LAMA2: variants seen among roughly 807,000 people sequenced by gnomAD.
LAMA2 encodes laminin subunit alpha-2.
LAMA2 carries 269 observed loss-of-function variants against 364.8 expected under a neutral mutation model. The ratio of observed to expected loss-of-function variants is 0.74; its 90% CI spans 0.67 to 0.82. LAMA2 has a LOEUF of 0.82. Among genes scored for constraint, LAMA2 ranks in the 40% least tolerant of loss-of-function variants. LAMA2 has a pLI of 0.00. For synonymous variants in LAMA2, 1,379 were observed against 1,370.6 expected (o/e 1.01, Z -0.14); for missense variants, 3,807 against 3,873.2 (o/e 0.98, Z 0.45).
At chr6:129,499,332 T>C (rs1345342859) in intron 58 of LAMA2, among the ~76,000 whole-genome samples, 1 of 152,136 alleles carries the variant, frequency 6.6e-6, no homozygotes, top group Non-Finnish European at 1.5e-5. Flanking sequence ...ACAACACAGG[T>C]AAAGCATCAC....
chr6:129,461,942 G>A (rs1400853604), intron 49 of LAMA2, among the ~76,000 whole-genome samples: 1 of 151,904 alleles, frequency 6.6e-6, no homozygotes, highest in African/African-American at 2.4e-5. Context: ...CTTTAAAAAG[G>A]CACATTTGGA....
chr6:129,366,653 T>C (rs1298225719), intron 33 of LAMA2, among the ~76,000 whole-genome samples: 1 of 152,234 alleles, frequency 6.6e-6, no homozygotes, highest in Non-Finnish European at 1.5e-5. Flanking sequence ...CTCTTTATAC[T>C]TATAGCTCTA....
Position 129,487,859 on chromosome 6 carries a change from A to G in LAMA2, c.7898+1237A>G, listed in dbSNP as rs184863188. Among the ~76,000 whole-genome samples, 37 of 152,320 alleles carry G rather than the reference A, an allele frequency of 2.4e-4. No individual in the cohort carries two copies. In the East Asian group the frequency reaches 6.7e-3, roughly 28 times the overall value. On this transcript the variant is annotated intron_variant, in intron 56 of 64. Coordinates refer to ENST00000421865, the MANE Select transcript of LAMA2 (RefSeq NM_000426.4). ...GAACTTTTACTAATCTAACAGCCAG[A>G]TATTGTAGTCATGGTCTCTGAGGAG...
At chr6:128,997,119 G>A (rs944459970) in intron 1 of LAMA2, among the ~76,000 whole-genome samples, 3 of 151,850 alleles carry the variant, frequency 2.0e-5, no homozygotes, top group Non-Finnish European at 4.4e-5. Context: ...ATCACACACT[G>A]GGGCCTGTTG....
At chr6:129,502,290 G>C (rs1562627534) in intron 58 of LAMA2, among the ~76,000 whole-genome samples, 1 of 152,214 alleles carries the variant, frequency 6.6e-6, no homozygotes. Flanking sequence ...CAAGTGGCTA[G>C]CTTGTCATTT....
At chr6:129,362,771 G>A (rs1005246788) in intron 32 of LAMA2, among the ~76,000 whole-genome samples, 2 of 152,074 alleles carry the variant, frequency 1.3e-5, no homozygotes, top group Non-Finnish European at 1.5e-5. Context: ...GGGGTGGTGG[G>A]GAGTTTCAGG....
intron 40 of LAMA2, among the ~76,000 whole-genome samples, chr6:129,404,442 T>A (rs1011059507): frequency 3.9e-5 from 6 of 152,234 alleles, no homozygotes; most frequent in African/African-American, 1.4e-4. Context: ...TTATGAATTT[T>A]TGAATTAAAA....
intron 40 of LAMA2, among the ~76,000 whole-genome samples, chr6:129,415,110 G>T (rs1368267336): frequency 1.3e-5 from 2 of 152,124 alleles, no homozygotes; most frequent in Non-Finnish European, 2.9e-5. Context: ...TTAAGATGAA[G>T]CTATTTATGT....
intron 1 of LAMA2, among the ~76,000 whole-genome samples, chr6:128,903,960 G>T (rs1423917413): frequency 6.6e-6 from 1 of 152,174 alleles, no homozygotes; most frequent in African/African-American, 2.4e-5. Context: ...AGGTAATTGT[G>T]TTTTGGGCTC....
In LAMA2 at chr6:129,250,083, G is replaced by A. The variant is rs149187705; in HGVS notation, c.1783-29G>A. 5.1e-5 allele frequency: 66 copies of A among 1,295,974 alleles called. No individual in the cohort carries two copies. In the East Asian group the frequency reaches 9.4e-4, roughly 19 times the overall value. The allele number at this position is 1,295,974 out of a possible 1,614,324, so 80.3% of individuals were successfully genotyped here. A position where few individuals can be genotyped will look rare whatever the true frequency, so the allele number is the denominator to read the frequency against. On this transcript the variant is annotated intron_variant, in intron 12 of 64. Transcript: ENST00000421865. ...GATTTAATAGCCCATCTCCTATCCC[G>A]TAATGATTATGCATCTTCTGTCTTG...
chr6:129,437,882 C>T (rs980389871), intron 41 of LAMA2, among the ~76,000 whole-genome samples: 1 of 151,572 alleles, frequency 6.6e-6, no homozygotes, highest in Non-Finnish European at 1.5e-5. Flanking sequence ...TTGTTGTACT[C>T]GAATTTAAAC....
In LAMA2 at chr6:129,055,182, A is replaced by ATTAT. The variant is rs1554207614; in HGVS notation, c.284-4600_284-4597dup. The stretch of plus-strand genomic sequence containing the variant: ...TTACTTTACATTATTATTATTTATT[A>ATTAT]TTATTATTATTATTATTATTATTAT... On this transcript the variant is annotated intron_variant, in intron 2 of 64. Transcript: ENST00000421865. 1.4e-3 allele frequency among the ~76,000 whole-genome samples: 198 copies of ATTAT among 142,472 alleles called. 1 individual carries two copies. Among genetic ancestry groups the ATTAT allele is most frequent in the East Asian group, 4.3e-3 (21 of 4,908 alleles). 93.5% of individuals were successfully genotyped at this position (142,472 alleles called of 152,430 possible). A position where few individuals can be genotyped will look rare whatever the true frequency, so the allele number is the denominator to read the frequency against.
In LAMA2 at chr6:129,159,121, T is replaced by C. The variant is rs537299276; in HGVS notation, c.1206+4438T>C. ...TGATGTAAATGTATAGCTGAGTCATTGTTCAATTGTAATGTTTCCTGTGTA... is the reference window on the plus strand; with the variant it reads ...TGATGTAAATGTATAGCTGAGTCATCGTTCAATTGTAATGTTTCCTGTGTA... On this transcript the variant is annotated intron_variant, in intron 8 of 64. Transcript: ENST00000421865. 44 of 1,570,430 alleles carry C rather than the reference T, an allele frequency of 2.8e-5. No homozygotes were observed. In the South Asian group the frequency reaches 4.8e-4, roughly 17 times the overall value.
chr6:129,198,119 G>C (rs1475546205), intron 12 of LAMA2, among the ~76,000 whole-genome samples: 2 of 152,014 alleles, frequency 1.3e-5, no homozygotes, highest in Non-Finnish European at 2.9e-5. Flanking sequence ...TTGTGATGTG[G>C]TTGGCAACAA....
chr6:129,410,079 T>G (rs1007516601), intron 40 of LAMA2, among the ~76,000 whole-genome samples: 1 of 152,210 alleles, frequency 6.6e-6, no homozygotes, highest in Non-Finnish European at 1.5e-5. Context: ...GATGTCTTAG[T>G]GCTTTTCAAT....
Position 129,300,802 on chromosome 6 carries a change from A to G in LAMA2, c.3104A>G (p.Asn1035Ser), listed in dbSNP as rs773000879. Residue 1035 changes from asparagine (N) to serine (S), a missense_variant, in exon 22 of 65, where the codon AAT (asparagine) becomes AGT (serine). Around this residue, in one of 3 missense-constraint regions of LAMA2, gnomAD observed 3,333 missense variants for 3,345.7 expected, o/e 1.00. Coordinates refer to ENST00000421865, the MANE Select transcript of LAMA2 (RefSeq NM_000426.4). Reference sequence around the variant, plus strand: ...ACTGGGCGATGCATTTGCCCTCCCAATACCATTGGAGAGAAATGTTCTAAA... The same window carrying G: ...ACTGGGCGATGCATTTGCCCTCCCAGTACCATTGGAGAGAAATGTTCTAAA... ...PKTGRCICPP[N>S]TIGEKCSKCA... 1.9e-6 allele frequency: 3 copies of G among 1,613,078 alleles called. No individual in the cohort carries two copies. Among genetic ancestry groups the G allele is most frequent in the Non-Finnish European group, 2.5e-6 (3 of 1,179,174 alleles).
intron 4 of LAMA2, among the ~76,000 whole-genome samples, chr6:129,131,177 G>A (rs1777454193): frequency 6.6e-6 from 1 of 152,194 alleles, no homozygotes; most frequent in Non-Finnish European, 1.5e-5. Flanking sequence ...GCCCCTGGAT[G>A]ATTGATTAAA....
intron 54 of LAMA2, among the ~76,000 whole-genome samples, chr6:129,480,977 G>T (rs1054765082): frequency 1.2e-4 from 19 of 152,078 alleles, no homozygotes; most frequent in African/African-American, 4.6e-4. Flanking sequence ...ACAAAAAAAG[G>T]TACCTAACAG....
At chr6:128,971,444 T>G (rs559391607) in intron 1 of LAMA2, among the ~76,000 whole-genome samples, 15 of 152,100 alleles carry the variant, frequency 9.9e-5, no homozygotes, top group Non-Finnish European at 1.9e-4. Flanking sequence ...TGTGGGAATA[T>G]GGAGGAGAAT....
Sources: gnomAD v4.1 joint callset for allele counts (sites outside exome capture counted in the v4.1 genomes callset) on GRCh38, gnomAD v4.1.1 for gene constraint, gnomAD v4.1.1 regional missense constraint, MANE v1.5 for transcripts, NCBI Gene and HGNC (gene_info 2026-07-23, HGNC 2026-07-21) for gene names.